Variants in LOC128706666 observed in about 807,000 individuals in gnomAD.
chr20:10,425,842 CCTTT>C, the LOC128706666 span, among the ~76,000 whole-genome samples: 3 of 152,198 alleles, frequency 2.0e-5, no homozygotes, highest in East Asian at 1.9e-4. Flanking sequence ...TTGCCACTGC[CCTTT>C]CTTTCTTTCC....
chr20:10,414,574 G>A, the LOC128706666 span, among the ~76,000 whole-genome samples: 1 of 152,086 alleles, frequency 6.6e-6, no homozygotes, highest in African/African-American at 2.4e-5. Flanking sequence ...AAGTCTCTGA[G>A]TCTTAAAAGA....
the LOC128706666 span, among the ~76,000 whole-genome samples, chr20:10,433,251 C>T: frequency 1.2e-4 from 18 of 152,240 alleles, no homozygotes; most frequent in Non-Finnish European, 1.6e-4. Context: ...GTGATCCGCC[C>T]GCCTCGGGCT....
At chr20:10,423,082 T>G in the LOC128706666 span, among the ~76,000 whole-genome samples, 1 of 152,070 alleles carries the variant, frequency 6.6e-6, no homozygotes, top group Non-Finnish European at 1.5e-5. Context: ...ATTAACATAA[T>G]TCAACATTTG....
the LOC128706666 span, among the ~76,000 whole-genome samples, chr20:10,429,793 G>T: frequency 2.6e-5 from 4 of 152,102 alleles, no homozygotes; most frequent in Non-Finnish European, 5.9e-5. Flanking sequence ...AATTCCAGTA[G>T]TTCTCAAACT....
chr20:10,425,904 T>C, the LOC128706666 span, among the ~76,000 whole-genome samples: 9 of 152,158 alleles, frequency 5.9e-5, no homozygotes, highest in African/African-American at 2.2e-4. Flanking sequence ...TTTAGAAGGA[T>C]AGAGAAATCA....
At chr20:10,416,408 C>T in the LOC128706666 span, among the ~76,000 whole-genome samples, 49 of 151,870 alleles carry the variant, frequency 3.2e-4, no homozygotes, top group Admixed American at 3.1e-3. Flanking sequence ...TGGGTCATAT[C>T]ACAAGGACAA....
At chr20:10,420,527 C>G in the LOC128706666 span, 1 of 152,126 alleles carries the variant, frequency 6.6e-6, no homozygotes, top group Admixed American at 6.5e-5. Flanking sequence ...ATGGAACTTA[C>G]CTGAAGATTG....
At chr20:10,432,870 C>G in the LOC128706666 span, among the ~76,000 whole-genome samples, 8 of 148,906 alleles carry the variant, frequency 5.4e-5, no homozygotes, top group Non-Finnish European at 1.2e-4. Flanking sequence ...TAAATAATCT[C>G]TAGGCTACTT....
At chr20:10,415,023 A>G in the LOC128706666 span, among the ~76,000 whole-genome samples, 3 of 152,216 alleles carry the variant, frequency 2.0e-5, no homozygotes, top group African/African-American at 4.8e-5. Context: ...CAAAGTCTAA[A>G]TACCATAAAA....
the LOC128706666 span, among the ~76,000 whole-genome samples, chr20:10,415,483 T>C: frequency 2.4e-4 from 37 of 152,310 alleles, no homozygotes; most frequent in African/African-American, 7.9e-4. Flanking sequence ...AGGGCAATGA[T>C]GGTCAGCTTT....
At chr20:10,420,251 C>T in the LOC128706666 span, among the ~76,000 whole-genome samples, 1 of 152,108 alleles carries the variant, frequency 6.6e-6, no homozygotes, top group Non-Finnish European at 1.5e-5. Context: ...GGTAAGGAGT[C>T]AGGGGCTCCT....
the LOC128706666 span, chr20:10,420,818 T>C: frequency 6.6e-6 from 1 of 152,220 alleles, no homozygotes; most frequent in Non-Finnish European, 1.5e-5. Context: ...TCCCTTTAAT[T>C]ACATTTCTAA....
At chr20:10,415,840 T>TTAAAATGA in the LOC128706666 span, among the ~76,000 whole-genome samples, 182 of 152,254 alleles carry the variant, frequency 1.2e-3, no homozygotes, top group Admixed American at 3.0e-3. Flanking sequence ...CCAGTACACA[T>TTAAAATGA]ATCTTTTGGC....
At chr20:10,428,370 T>C in the LOC128706666 span, among the ~76,000 whole-genome samples, 75 of 152,346 alleles carry the variant, frequency 4.9e-4, no homozygotes, top group African/African-American at 1.6e-3. Context: ...TTTATGTTCC[T>C]GGTATGTTCT....
chr20:10,427,740 A>G, the LOC128706666 span, among the ~76,000 whole-genome samples: 1 of 152,240 alleles, frequency 6.6e-6, no homozygotes, highest in Non-Finnish European at 1.5e-5. Context: ...ATCACCTAAA[A>G]TAACACTCAT....
At chr20:10,416,979 GA>G in the LOC128706666 span, among the ~76,000 whole-genome samples, 2,063 of 152,062 alleles carry the variant, frequency 0.014, 38 homozygotes, top group African/African-American at 0.045. Context: ...ATCTTTTATA[GA>G]AAAAAAGTTT....
At chr20:10,427,029 G>GACACACACACACACACACACACACACAC in the LOC128706666 span, among the ~76,000 whole-genome samples, 9 of 130,724 alleles carry the variant, frequency 6.9e-5, no homozygotes, top group East Asian at 2.6e-4. Context: ...AGAAAACACT[G>GACACACACACACACACACACACACACAC]ACACACACAC....
At chr20:10,416,905 C>T in the LOC128706666 span, among the ~76,000 whole-genome samples, 1 of 152,098 alleles carries the variant, frequency 6.6e-6, no homozygotes, top group Non-Finnish European at 1.5e-5. Context: ...TACACTACAA[C>T]AGAAAGCTGA....
the LOC128706666 span, among the ~76,000 whole-genome samples, chr20:10,420,226 T>A: frequency 6.6e-6 from 1 of 152,140 alleles, no homozygotes; most frequent in Non-Finnish European, 1.5e-5. Context: ...AATTTGGACT[T>A]TTGTGATATG....
Sources: allele counts gnomAD v4.1 joint callset (sites outside exome capture counted in the v4.1 genomes callset), GRCh38; gene constraint gnomAD v4.1.1; transcripts MANE v1.5.